Variants in TNIK observed in about 807,000 individuals in gnomAD.
TNIK encodes the protein TRAF2 and NCK interacting kinase.
TNIK carries 49 observed loss-of-function variants against 191.3 expected under a neutral mutation model. The observed-to-expected ratio is 0.26, with a 90% CI of 0.20 to 0.32. TNIK has a LOEUF of 0.32. Ranked by LOEUF, TNIK falls within the 10% of genes least tolerant of loss-of-function variation. The pLI is 1.00. For missense variants in TNIK, 1,155 were observed against 1,702.3 expected (o/e 0.68, Z 5.66); for synonymous variants, 594 against 600.9 (o/e 0.99, Z 0.17).
chr3:171,069,939 C>T (rs1718973950), intron 29 of TNIK, among the ~76,000 whole-genome samples: 1 of 152,222 alleles, frequency 6.6e-6, no homozygotes, highest in Admixed American at 6.5e-5. Flanking sequence ...CCACTCTTTC[C>T]TGTTCAAGTC....
chr3:171,157,427 T>C, intron 12 of TNIK, 33 bp downstream of exon 12: 3 of 1,549,504 alleles, frequency 1.9e-6, no homozygotes, highest in Non-Finnish European at 2.6e-6. Flanking sequence ...ACTGAGAGGC[T>C]TGGGGTCAGA....
At chr3:171,393,196 T>C (rs1719796432) in intron 1 of TNIK, among the ~76,000 whole-genome samples, 1 of 152,212 alleles carries the variant, frequency 6.6e-6, no homozygotes, top group East Asian at 1.9e-4. Flanking sequence ...GCATTCTGCC[T>C]GTAGAAGTGC....
intron 28 of TNIK, among the ~76,000 whole-genome samples, chr3:171,072,103 C>T (rs374777297): frequency 3.3e-5 from 5 of 152,124 alleles, no homozygotes; most frequent in Non-Finnish European, 5.9e-5. Flanking sequence ...GCAATGTTTA[C>T]GGTGATGACC....
At chr3:171,235,984 C>T (rs1744217685) in intron 2 of TNIK, among the ~76,000 whole-genome samples, 1 of 152,154 alleles carries the variant, frequency 6.6e-6, no homozygotes, top group Non-Finnish European at 1.5e-5. Context: ...ACCCACTTCT[C>T]TCTCCTCTGG....
intron 3 of TNIK, among the ~76,000 whole-genome samples, chr3:171,220,527 G>T (rs1742168610): frequency 6.6e-6 from 1 of 152,162 alleles, no homozygotes; most frequent in African/African-American, 2.4e-5. Flanking sequence ...CAAAAGAGGG[G>T]AATGAATATG....
At chr3:171,190,818 T>C (rs1000163551) in intron 5 of TNIK, 31 bp from the exon 6 acceptor site, 1 of 1,522,982 alleles carries the variant, frequency 6.6e-7, no homozygotes, top group Admixed American at 2.0e-5. Flanking sequence ...GAAGGGTTAA[T>C]AGGAACATAA....
intron 3 of TNIK, among the ~76,000 whole-genome samples, chr3:171,221,003 TG>T (rs1211914665): frequency 6.6e-6 from 1 of 152,086 alleles, no homozygotes; most frequent in Non-Finnish European, 1.5e-5. Context: ...GGGTCTAATC[TG>T]TATGCAAGAA....
chr3:171,385,656 G>A (rs1718629156), intron 1 of TNIK, among the ~76,000 whole-genome samples: 1 of 152,192 alleles, frequency 6.6e-6, no homozygotes, highest in Admixed American at 6.5e-5. Context: ...TGGGTACACA[G>A]ACAGAGATAT....
At chr3:171,273,352 G>A (rs1005342581) in intron 2 of TNIK, among the ~76,000 whole-genome samples, 1 of 152,172 alleles carries the variant, frequency 6.6e-6, no homozygotes, top group Non-Finnish European at 1.5e-5. Context: ...CCTGGTGTTG[G>A]GGTGCAAGGC....
At chr3:171,113,670 A>T (rs890549655) in intron 18 of TNIK, among the ~76,000 whole-genome samples, 3 of 151,036 alleles carry the variant, frequency 2.0e-5, no homozygotes, top group Non-Finnish European at 3.0e-5. Context: ...TCCCATTAAA[A>T]ATATATATAT....
At chr3:171,361,935 G>C (rs1715041930) in intron 2 of TNIK, among the ~76,000 whole-genome samples, 1 of 152,098 alleles carries the variant, frequency 6.6e-6, no homozygotes, top group Non-Finnish European at 1.5e-5. Context: ...TCTATGGCAA[G>C]CTCAAAGCTA....
At chr3:171,155,355 A>G (rs1396789907) in intron 12 of TNIK, among the ~76,000 whole-genome samples, 1 of 152,240 alleles carries the variant, frequency 6.6e-6, no homozygotes, top group Non-Finnish European at 1.5e-5. Context: ...CTCTCTGAGT[A>G]CTTAGTATTC....
At position 171,101,377 on chromosome 3, in the gene TNIK, CAT is replaced by C. The variant is rs1009504833; in HGVS notation, c.2591+70_2591+71del. 88 of 1,487,616 alleles carry C rather than the reference CAT, an allele frequency of 5.9e-5. No individual in the cohort carries two copies. In the Admixed American group the frequency reaches 1.9e-3, roughly 32 times the overall value. 92.2% of individuals were successfully genotyped at this position (1,487,616 alleles called of 1,614,324 possible). Reference sequence around the variant, plus strand: ...CCCATATACAATCTTACATTTAACTCATATTTTTTTGTCCTTTTATTTTGGAA... The same window carrying C: ...CCCATATACAATCTTACATTTAACTCATTTTTTTGTCCTTTTATTTTGGAA... On this transcript the variant is annotated intron_variant, in intron 22 of 32. Transcript: ENST00000436636.
intron 2 of TNIK, among the ~76,000 whole-genome samples, chr3:171,306,862 G>A (rs1446231928): frequency 1.3e-5 from 2 of 152,114 alleles, no homozygotes; most frequent in African/African-American, 4.8e-5. Flanking sequence ...ACCATCTAAA[G>A]AGAGAAGGCA....
intron 14 of TNIK, among the ~76,000 whole-genome samples, chr3:171,139,010 T>C (rs750718298): frequency 6.6e-6 from 1 of 152,172 alleles, no homozygotes; most frequent in Non-Finnish European, 1.5e-5. Context: ...ACACAAAATG[T>C]TCCCATCGTA....
At chr3:171,418,127 C>T (rs1031151059) in intron 1 of TNIK, among the ~76,000 whole-genome samples, 2 of 152,172 alleles carry the variant, frequency 1.3e-5, no homozygotes, top group Non-Finnish European at 2.9e-5. Context: ...CTCTCACTTG[C>T]CTTCCAGTTC....
At chr3:171,317,679 C>G (rs1754786995) in intron 2 of TNIK, among the ~76,000 whole-genome samples, 1 of 152,108 alleles carries the variant, frequency 6.6e-6, no homozygotes, top group African/African-American at 2.4e-5. Context: ...CTTACGAACC[C>G]TATAAGTTAG....
chr3:171,380,027 G>GCACAAACACACACACA (rs1394015951), intron 1 of TNIK, among the ~76,000 whole-genome samples: 1 of 147,206 alleles, frequency 6.8e-6, no homozygotes, highest in Non-Finnish European at 1.5e-5. Context: ...ACACACACAC[G>GCACAAACACACACACA]CGCACACACA....
Position 171,264,093 on chromosome 3 carries a change from CACACACACACACACACACATAT to C in TNIK, c.124-35894_124-35873del, listed in dbSNP as rs1269488385. On this transcript the variant is annotated intron_variant, in intron 2 of 32. Transcript: ENST00000436636. ...ACACACACACACACACACACACACA[CACACACACACACACACACATAT>C]ATATATATATATATATACACCCCTT... Among the ~76,000 whole-genome samples the C allele has an allele frequency of 6.7e-3, 575 of 86,442 alleles. 6 individuals carry two copies. Among genetic ancestry groups the C allele is most frequent in the African/African-American group, 0.022 (505 of 22,810 alleles). The allele number at this position is 86,442 out of a possible 152,430, so 56.7% of individuals were successfully genotyped here.
Sources: gnomAD v4.1 joint callset for allele counts (sites outside exome capture counted in the v4.1 genomes callset) on GRCh38, gnomAD v4.1.1 for gene constraint, MANE v1.5 for transcripts, NCBI Gene and HGNC (gene_info 2026-07-23, HGNC 2026-07-21) for gene names.